The following RNF6 variants were observed in gnomAD, a reference collection of about 807,000 sequenced individuals.
RNF6 encodes E3 ubiquitin-protein ligase RNF6.
A neutral mutation model predicts 50.1 loss-of-function variants in RNF6; 21 were observed. The observed-to-expected ratio is 0.42, with a 90% confidence interval of 0.30 to 0.60. The LOEUF (loss-of-function observed/expected upper bound fraction) is 0.60. RNF6 is among the 20% of genes least tolerant of loss of function. RNF6 has a pLI of 0.20. For synonymous variants in RNF6, 255 were observed against 291.8 expected (o/e 0.87, Z 1.29); for missense variants, 698 against 838.2 (o/e 0.83, Z 2.07).
chr13:26,189,711 T>C (rs1003961806), intron 5 of RNF6, among the ~76,000 whole-genome samples: 1 of 124,142 alleles, frequency 8.1e-6, no homozygotes, highest in South Asian at 2.7e-4. Context: ...TCCACTCTCA[T>C]TTTTAAGCTC....
At chr13:26,201,928 G>A (rs1401817057) in intron 5 of RNF6, among the ~76,000 whole-genome samples, 2 of 152,092 alleles carry the variant, frequency 1.3e-5, no homozygotes, top group African/African-American at 4.8e-5. Context: ...AAGCTGCAAG[G>A]ACTAACTTCT....
At chr13:26,160,144 A>G (rs923965408) in intron 5 of RNF6, among the ~76,000 whole-genome samples, 2 of 152,216 alleles carry the variant, frequency 1.3e-5, no homozygotes, top group African/African-American at 4.8e-5. Context: ...TGAGCTGTGC[A>G]TGAAAAGTAA....
intron 5 of RNF6, among the ~76,000 whole-genome samples, chr13:26,189,336 C>A (rs9581583): frequency 0.49 from 74,309 of 151,402 alleles, 20,696 homozygotes; most frequent in East Asian, 0.7. Context: ...TCAAAAAAAA[C>A]GCTTCCTATT....
At chr13:26,155,247 T>C (rs7995185) in intron 5 of RNF6, among the ~76,000 whole-genome samples, 6,775 of 152,118 alleles carry the variant, frequency 0.045, 234 homozygotes, top group African/African-American at 0.091. Flanking sequence ...CCAGCCTGGG[T>C]GGCAAAGCAA....
At chr13:26,210,038 A>G (rs1869259439), downstream of RNF6, among the ~76,000 whole-genome samples, 1 of 152,190 alleles carries the variant, frequency 6.6e-6, no homozygotes, top group African/African-American at 2.4e-5. Context: ...ACACACTCAT[A>G]CTCACTGAAA....
intron 5 of RNF6, chr13:26,150,996 AC>A (rs1209568358): frequency 6.6e-6 from 1 of 152,198 alleles, no homozygotes; most frequent in African/African-American, 2.4e-5. Context: ...ACTCAAAGTC[AC>A]ACTACTAGTG....
chr13:26,188,805 T>A (rs773425600), intron 5 of RNF6, among the ~76,000 whole-genome samples: 3 of 151,742 alleles, frequency 2.0e-5, no homozygotes, highest in African/African-American at 7.3e-5. Flanking sequence ...AATTTTTGTA[T>A]TTTTAGTAGA....
At chr13:26,187,311 G>A (rs1242516772) in intron 5 of RNF6, among the ~76,000 whole-genome samples, 1 of 152,222 alleles carries the variant, frequency 6.6e-6, no homozygotes. Context: ...CACAAGAAGG[G>A]GGAAACGTTT....
intron 5 of RNF6, among the ~76,000 whole-genome samples, chr13:26,158,628 T>G (rs1254593979): frequency 6.6e-6 from 1 of 152,154 alleles, no homozygotes; most frequent in Admixed American, 6.5e-5. Context: ...ATGACATTGC[T>G]GAGTGATAAA....
chr13:26,211,227 G>C (rs751644685), downstream of RNF6, among the ~76,000 whole-genome samples: 2 of 152,162 alleles, frequency 1.3e-5, no homozygotes, highest in Non-Finnish European at 2.9e-5. Flanking sequence ...AAGCTGTACT[G>C]CTGCCTTCAG....
rs12864596 is a variant in RNF6 at position 26,160,681 on chromosome 13, T to C, written n.769-28230A>G. On this transcript the variant is annotated intron_variant and non_coding_transcript_variant, in intron 5 of 5. Transcript: ENST00000468480. ...GGATGATGTATTAGATGGCTAGGGTTGCCCTAACAAAATACTACAGACTGG... is the reference window on the plus strand; with the variant it reads ...GGATGATGTATTAGATGGCTAGGGTCGCCCTAACAAAATACTACAGACTGG... Among the ~76,000 whole-genome samples, 5 of 152,240 alleles carry C rather than the reference T, an allele frequency of 3.3e-5. No individual in the cohort carries two copies. In the East Asian group the frequency reaches 9.7e-4, roughly 29 times the overall value.
chr13:26,214,329 G>A lies in RNF6; in HGVS notation c.1553C>T (p.Ser518Leu), dbSNP rs775218513. 2 of 1,614,000 alleles carry A rather than the reference G, an allele frequency of 1.2e-6. No homozygotes were observed. Among genetic ancestry groups the A allele is most frequent in the African/African-American group, 1.3e-5 (1 of 74,880 alleles). Residue 518 changes from serine to leucine, a missense_variant, in exon 5 of 5, where the codon TCA (serine) becomes TTA (leucine). Transcript: ENST00000381588. Reference protein sequence around the residue: ...RNGQHLPDMHSELSNLGTDNN... With the variant: ...RNGQHLPDMHLELSNLGTDNN... ...ATCTGTACCTAAGTTACTCAGTTCT[G>A]AGTGCATGTCTGGTAAATGCTGGCC...
intron 5 of RNF6, among the ~76,000 whole-genome samples, chr13:26,149,899 C>T (rs1401103310): frequency 8.2e-5 from 8 of 97,390 alleles, no homozygotes; most frequent in African/African-American, 2.6e-4. Context: ...TATATACACA[C>T]ACACAGTGTA....
At chr13:26,154,756 G>A (rs918644249) in intron 5 of RNF6, among the ~76,000 whole-genome samples, 17 of 152,146 alleles carry the variant, frequency 1.1e-4, no homozygotes, top group East Asian at 3.8e-4. Context: ...CCGGCTGGGC[G>A]TTGTGGCTCA....
At chr13:26,189,177 A>G (rs188473232) in intron 5 of RNF6, among the ~76,000 whole-genome samples, 54 of 152,116 alleles carry the variant, frequency 3.5e-4, no homozygotes, top group Non-Finnish European at 6.6e-4. Flanking sequence ...AAAATACAAA[A>G]ATTAGCTGGG....
intron 5 of RNF6, among the ~76,000 whole-genome samples, chr13:26,196,785 C>T (rs974442295): frequency 1.3e-5 from 2 of 151,778 alleles, no homozygotes; most frequent in Admixed American, 1.3e-4. Context: ...GAAAGCAAGC[C>T]ACCAGAAATG....
chr13:26,214,875 G>C lies in RNF6; in HGVS notation c.1007C>G (p.Thr336Ser), dbSNP rs766451468. 1 of 1,614,190 alleles carries C rather than the reference G, an allele frequency of 6.2e-7. No homozygotes were observed. The highest frequency in any genetic ancestry group is 8.5e-7 in the Non-Finnish European group (1 of 1,180,038). Residue 336 changes from threonine (T) to serine (S), a missense_variant, in exon 5 of 5, where the codon ACC becomes AGC. Thr to Ser is a moderately conservative substitution (Grantham distance 58, BLOSUM62 1). Coordinates refer to ENST00000381588, the MANE Select transcript of RNF6 (RefSeq NM_005977.4). Reference sequence around the variant, plus strand: ...TCTCCTCCTAACAGATCTTCTAGTGGTTTGCTGTACTGGTCTACTTTCCCT... The same window carrying C: ...TCTCCTCCTAACAGATCTTCTAGTGCTTTGCTGTACTGGTCTACTTTCCCT... ...SQRESRPVQQ[T>S]TRRSVRRRGR...
At chr13:26,151,539 A>AG (rs1318098138) in intron 5 of RNF6, among the ~76,000 whole-genome samples, 1 of 151,952 alleles carries the variant, frequency 6.6e-6, no homozygotes, top group African/African-American at 2.4e-5. Context: ...CTGGGATTAT[A>AG]GGCGCGAGCC....
chr13:26,139,625 A>C (rs1343164315), intron 5 of RNF6, among the ~76,000 whole-genome samples: 1 of 152,138 alleles, frequency 6.6e-6, no homozygotes, highest in Admixed American at 6.6e-5. Flanking sequence ...AAACCTCAAG[A>C]TCAGTTTGAA....
Sources: gnomAD v4.1 joint callset for allele counts (sites outside exome capture counted in the v4.1 genomes callset) on GRCh38, gnomAD v4.1.1 for gene constraint, MANE v1.5 for transcripts, NCBI Gene and HGNC (gene_info 2026-07-23, HGNC 2026-07-21) for gene names.